LAMA2: variants seen among roughly 807,000 people sequenced by gnomAD.
LAMA2 encodes laminin subunit alpha 2, also known as laminin subunit alpha-2.
A neutral mutation model predicts 364.8 loss-of-function variants in LAMA2; 269 were observed. That is an observed-to-expected ratio of 0.74 (90% CI 0.67 to 0.82). The LOEUF (loss-of-function observed/expected upper bound fraction) is 0.82, where lower values mean the gene tolerates loss of function less well. Ranked by LOEUF, LAMA2 falls within the 40% of genes least tolerant of loss-of-function variation. The pLI is 0.00. For synonymous variants in LAMA2, 1,379 were observed against 1,370.6 expected, an observed-to-expected ratio of 1.01 and a Z score of -0.14; for missense variants, 3,807 against 3,873.2, an observed-to-expected ratio of 0.98 and a Z score of 0.45.
intron 1 of LAMA2, among the ~76,000 whole-genome samples, chr6:128,987,533 C>T (rs531395696): frequency 6.6e-6 from 1 of 152,248 alleles, no homozygotes; most frequent in East Asian, 1.9e-4. Context: ...GGAGTAATGC[C>T]ATTTTCCAAT....
chr6:129,331,975 C>T (rs1775683149), intron 29 of LAMA2, among the ~76,000 whole-genome samples: 1 of 152,150 alleles, frequency 6.6e-6, no homozygotes, highest in Admixed American at 6.5e-5. Context: ...GTTCAAATTC[C>T]ATAGTGGCTC....
At chr6:128,990,947 G>T (rs1466209376) in intron 1 of LAMA2, among the ~76,000 whole-genome samples, 4 of 152,034 alleles carry the variant, frequency 2.6e-5, no homozygotes, top group African/African-American at 9.7e-5. Context: ...TAAGAATACA[G>T]GTATTTTAAT....
chr6:129,128,628 A>T (rs1777261690), intron 4 of LAMA2, among the ~76,000 whole-genome samples: 1 of 152,202 alleles, frequency 6.6e-6, no homozygotes, highest in Non-Finnish European at 1.5e-5. Flanking sequence ...CAATCCATGA[A>T]CACAGGATAT....
At chr6:129,152,326 G>T (rs904977298) in intron 7 of LAMA2, among the ~76,000 whole-genome samples, 1 of 152,190 alleles carries the variant, frequency 6.6e-6, no homozygotes, top group Non-Finnish European at 1.5e-5. Flanking sequence ...ACACAAGGTT[G>T]GTGGCTATGG....
chr6:128,956,646 C>T (rs1488426335), intron 1 of LAMA2, among the ~76,000 whole-genome samples: 3 of 151,932 alleles, frequency 2.0e-5, no homozygotes, highest in Non-Finnish European at 4.4e-5. Flanking sequence ...TTTTTTTCTC[C>T]TTCGCAATTA....
At chr6:129,253,838 C>T in intron 14 of LAMA2, among the ~76,000 whole-genome samples, 1 of 152,170 alleles carries the variant, frequency 6.6e-6, no homozygotes, top group East Asian at 1.9e-4. Flanking sequence ...TTTCGCCATA[C>T]AGGAGGAATG....
intron 40 of LAMA2, among the ~76,000 whole-genome samples, chr6:129,405,863 G>A (rs1396482592): frequency 6.6e-6 from 1 of 152,062 alleles, no homozygotes; most frequent in Non-Finnish European, 1.5e-5. Context: ...GAGATTAAAT[G>A]TATTATTAAG....
At chr6:129,234,819 A>G (rs1234281045) in intron 12 of LAMA2, among the ~76,000 whole-genome samples, 1 of 152,140 alleles carries the variant, frequency 6.6e-6, no homozygotes, top group African/African-American at 2.4e-5. Flanking sequence ...GGCATAAAAC[A>G]TATTATCGAC....
At chr6:129,505,688 T>C (rs1456361478) in intron 61 of LAMA2, among the ~76,000 whole-genome samples, 1 of 151,972 alleles carries the variant, frequency 6.6e-6, no homozygotes, top group African/African-American at 2.4e-5. Context: ...TTTTGTACTT[T>C]TAATAGAGAC....
chr6:128,932,298 G>A (rs1184694674), intron 1 of LAMA2, among the ~76,000 whole-genome samples: 1 of 152,152 alleles, frequency 6.6e-6, no homozygotes, highest in Non-Finnish European at 1.5e-5. Context: ...ACTGGGCCTT[G>A]TGCAAATCTC....
intron 5 of LAMA2, among the ~76,000 whole-genome samples, chr6:129,146,293 C>A (rs942441815): frequency 6.6e-6 from 1 of 151,768 alleles, no homozygotes. Flanking sequence ...TAAAAATAGT[C>A]TAGCCTCCAT....
At chr6:129,415,586 C>A (rs932322030) in intron 40 of LAMA2, among the ~76,000 whole-genome samples, 1 of 152,026 alleles carries the variant, frequency 6.6e-6, no homozygotes, top group South Asian at 2.1e-4. Flanking sequence ...TGACTCATGC[C>A]GGTAATCCCA....
intron 1 of LAMA2, among the ~76,000 whole-genome samples, chr6:128,962,183 T>TATATATATATATATATATATATAC (rs1781573685): frequency 8.8e-6 from 1 of 113,922 alleles, no homozygotes; most frequent in African/African-American, 3.9e-5. Flanking sequence ...TATATATATA[T>TATATATATATATATATATATATAC]ATACACACAT....
chr6:128,945,748 G>C (rs963600349), intron 1 of LAMA2, among the ~76,000 whole-genome samples: 1 of 152,102 alleles, frequency 6.6e-6, no homozygotes, highest in Non-Finnish European at 1.5e-5. Flanking sequence ...CACAACCTCT[G>C]GGGTACACAT....
intron 1 of LAMA2, among the ~76,000 whole-genome samples, chr6:128,946,646 A>T (rs1291455352): frequency 1.3e-5 from 2 of 152,202 alleles, no homozygotes; most frequent in Non-Finnish European, 2.9e-5. Context: ...TTTCTCTTCA[A>T]TGTATGTGAC....
intron 12 of LAMA2, among the ~76,000 whole-genome samples, chr6:129,229,481 C>T (rs543195673): frequency 4.3e-4 from 65 of 152,220 alleles, no homozygotes; most frequent in African/African-American, 1.5e-3. Flanking sequence ...CTTTGGCACA[C>T]TGTAGTTAAT....
chr6:128,955,784 T>A (rs1359696840), intron 1 of LAMA2, among the ~76,000 whole-genome samples: 1 of 151,964 alleles, frequency 6.6e-6, no homozygotes, highest in African/African-American at 2.4e-5. Context: ...AAATCAAAGA[T>A]TTAAAAGTTT....
At chr6:128,982,442 C>T (rs1562892500) in intron 1 of LAMA2, among the ~76,000 whole-genome samples, 1 of 152,002 alleles carries the variant, frequency 6.6e-6, no homozygotes, top group African/African-American at 2.4e-5. Context: ...AAAATTATGC[C>T]AATATGTATA....
chr6:129,283,759 G>C (rs992305827), intron 18 of LAMA2, among the ~76,000 whole-genome samples: 2 of 151,276 alleles, frequency 1.3e-5, no homozygotes, highest in African/African-American at 4.9e-5. Context: ...GTCTGAATTC[G>C]AATCAAGTCT....
Sources: gnomAD v4.1 joint callset for allele counts (sites outside exome capture counted in the v4.1 genomes callset) on GRCh38, gnomAD v4.1.1 for gene constraint, MANE v1.5 for transcripts, NCBI Gene and HGNC (gene_info 2026-07-23, HGNC 2026-07-21) for gene names.